Variants in C2orf49 observed in about 807,000 individuals in gnomAD.
C2orf49 encodes the protein tRNA-splicing ligase complex subunit ASW.
In C2orf49, 11 loss-of-function variants were observed where a neutral mutation model predicts 20.6. The observed-to-expected ratio is 0.53, with a 90% CI of 0.34 to 0.88. The LOEUF is 0.88. C2orf49 is among the 40% of genes least tolerant of loss of function. The pLI, the probability that C2orf49 is intolerant of heterozygous loss-of-function variation, is 0.02. For missense variants in C2orf49, 289 were observed against 274.2 expected (o/e 1.05, Z -0.38); for synonymous variants, 134 against 108.5 (o/e 1.24, Z -1.46).
rs370170766 is a variant in C2orf49 at position 105,339,768 on chromosome 2, A to G, written c.266+19A>G. Reference sequence around the variant, plus strand: ...CTAAAAGGTACTTTTTGGTGGTTCTAGCTTTCAATTTATCTTATATAACTA... The same window carrying G: ...CTAAAAGGTACTTTTTGGTGGTTCTGGCTTTCAATTTATCTTATATAACTA... On this transcript the variant is annotated intron_variant, in intron 2 of 3. Transcript: ENST00000258457. The G allele has an allele frequency of 3.4e-5, 53 of 1,557,506 alleles. No individual in the cohort carries two copies. The African/African-American group carries it at 6.5e-4, about 19-fold the overall frequency.
chr2:105,363,994 C>A, the C2orf49 span, among the ~76,000 whole-genome samples: 1 of 152,202 alleles, frequency 6.6e-6, no homozygotes, highest in Non-Finnish European at 1.5e-5. Flanking sequence ...TGGTGGCTCA[C>A]ACCTGTAATC....
At chr2:105,342,363 C>T (rs544753670) in intron 2 of C2orf49, among the ~76,000 whole-genome samples, 3 of 152,152 alleles carry the variant, frequency 2.0e-5, no homozygotes, top group Non-Finnish European at 4.4e-5. Context: ...TGTCCAGTTA[C>T]GATTAGTTTA....
chr2:105,367,657 G>T, the C2orf49 span: 2 of 1,614,210 alleles, frequency 1.2e-6, no homozygotes, highest in Non-Finnish European at 1.7e-6. Flanking sequence ...TGAAACTCTT[G>T]GTTCCAATTG....
intron 3 of C2orf49, 95 bp from the exon 4 acceptor site, chr2:105,345,212 CCATTAATA>C: frequency 1.0e-6 from 1 of 992,590 alleles, no homozygotes; most frequent in Non-Finnish European, 1.5e-6. Flanking sequence ...CAGTGATCTT[CCATTAATA>C]CATTAATAGT....
At chr2:105,372,082 G>A in the C2orf49 span, among the ~76,000 whole-genome samples, 2 of 152,112 alleles carry the variant, frequency 1.3e-5, no homozygotes, top group Admixed American at 6.5e-5. Flanking sequence ...TGTCAGCCTG[G>A]GCATTTTTCT....
the C2orf49 span, chr2:105,373,619 C>T: frequency 6.2e-7 from 1 of 1,614,098 alleles, no homozygotes; most frequent in African/African-American, 1.3e-5. Flanking sequence ...GAATAGCAGT[C>T]TGTACAGAGC....
intron 3 of C2orf49, among the ~76,000 whole-genome samples, chr2:105,344,912 T>C (rs1279147640): frequency 1.3e-5 from 2 of 152,030 alleles, no homozygotes; most frequent in African/African-American, 4.8e-5. Context: ...AATTGTAAAG[T>C]TGATGGAGGA....
the C2orf49 span, among the ~76,000 whole-genome samples, chr2:105,372,847 G>A: frequency 0.011 from 1,647 of 152,172 alleles, 13 homozygotes; most frequent in Middle Eastern, 0.021. Flanking sequence ...ATAAGCCACC[G>A]CACCCAGCTT....
At position 105,345,510 on chromosome 2, in the gene C2orf49, A is replaced by C. The variant is rs1679790210; in HGVS notation, c.*139A>C. On this transcript the variant is annotated 3_prime_UTR_variant, in exon 4 of 4. Transcript: ENST00000258457. ...TCAAATAGGTTTAAAAAAATAAAGGATTTATTTTCCTTCCCTTCTTCCCTC... is the reference window on the plus strand; with the variant it reads ...TCAAATAGGTTTAAAAAAATAAAGGCTTTATTTTCCTTCCCTTCTTCCCTC... 4.2e-6 allele frequency: 3 copies of C among 709,494 alleles called. No individual in the cohort carries two copies. Among genetic ancestry groups the C allele is most frequent in the Non-Finnish European group, 7.0e-6 (3 of 427,884 alleles). The allele number at this position is 709,494 out of a possible 1,614,324, so 43.9% of individuals were successfully genotyped here.
chr2:105,345,188 C>T (rs1314583209), intron 3 of C2orf49, 127 bp from the exon 4 acceptor site: 2 of 768,006 alleles, frequency 2.6e-6, no homozygotes, highest in Non-Finnish European at 4.2e-6. Flanking sequence ...AAATATATTC[C>T]CACCAGATGG....
At chr2:105,374,517 G>A in the C2orf49 span, 23,201 of 152,280 alleles carry the variant, frequency 0.15, 2,167 homozygotes, top group South Asian at 0.22. Flanking sequence ...CTGGGGGACG[G>A]GTAAGGATGT....
the C2orf49 span, among the ~76,000 whole-genome samples, chr2:105,354,344 G>C: frequency 6.6e-6 from 1 of 152,150 alleles, no homozygotes; most frequent in Non-Finnish European, 1.5e-5. Context: ...TGTTCCGGTT[G>C]AGGGTAGACT....
Position 105,338,887 on chromosome 2 carries a change from C to T in C2orf49, c.100-696C>T, listed in dbSNP as rs57599951. Among the ~76,000 whole-genome samples, 522 of 152,238 alleles carry T rather than the reference C, an allele frequency of 3.4e-3. 2 individuals carry two copies. Among genetic ancestry groups the T allele is most frequent in the African/African-American group, 0.011 (466 of 41,522 alleles). On this transcript the variant is annotated intron_variant, in intron 1 of 3. Coordinates refer to ENST00000258457, the MANE Select transcript of C2orf49 (RefSeq NM_024093.3). ...CCAAACTCTGTCTTCATGACTACTC[C>T]TGTGCTTATGCTATGTTTTTCATGA...
the C2orf49 span, among the ~76,000 whole-genome samples, chr2:105,372,028 C>T: frequency 6.6e-6 from 1 of 152,192 alleles, no homozygotes; most frequent in Admixed American, 6.5e-5. Context: ...CCATGCAGCC[C>T]TTCCAGCTGT....
the C2orf49 span, chr2:105,361,378 AGCAGTCGTTATGCCACT>A: frequency 6.2e-7 from 1 of 1,614,202 alleles, no homozygotes; most frequent in Non-Finnish European, 8.5e-7. Flanking sequence ...TTACAGTTAA[AGCAGTCGTTATGCCACT>A]GCCGTTCCTC....
chr2:105,361,209 A>G, the C2orf49 span: 2 of 1,488,598 alleles, frequency 1.3e-6, no homozygotes, highest in Non-Finnish European at 1.8e-6. Flanking sequence ...CCAGAAGGCA[A>G]GATTGCCTGG....
At chr2:105,345,292 T>G in intron 3 of C2orf49, 23 bp from the exon 4 acceptor site, 1 of 1,600,722 alleles carries the variant, frequency 6.2e-7, no homozygotes, top group Non-Finnish European at 8.5e-7. Context: ...AAGTATAAAC[T>G]GATTTCTGTT....
chr2:105,373,389 T>A, the C2orf49 span: 1 of 679,818 alleles, frequency 1.5e-6, no homozygotes, highest in Non-Finnish European at 2.6e-6. Context: ...TGATAGAACC[T>A]GTATGTCCCT....
At chr2:105,344,051 A>G (rs1416017304) in intron 3 of C2orf49, among the ~76,000 whole-genome samples, 2 of 152,188 alleles carry the variant, frequency 1.3e-5, no homozygotes, top group Non-Finnish European at 2.9e-5. Context: ...CTGACTGGTC[A>G]TGAGTTTTTT....
Sources: gnomAD v4.1 joint callset for allele counts (sites outside exome capture counted in the v4.1 genomes callset) on GRCh38, gnomAD v4.1.1 for gene constraint, MANE v1.5 for transcripts, NCBI Gene and HGNC (gene_info 2026-07-23, HGNC 2026-07-21) for gene names.